Variants in ADGRB3 observed in about 807,000 individuals in gnomAD.
ADGRB3 encodes the protein brain-specific angiogenesis inhibitor 3.
Under a neutral mutation model 193.4 loss-of-function variants are expected in ADGRB3, and 37 were observed. The ratio of observed to expected loss-of-function variants is 0.19; its 90% CI spans 0.15 to 0.25. ADGRB3 has a LOEUF of 0.25. Ranked by LOEUF, ADGRB3 falls within the 10% of genes least tolerant of loss-of-function variation. The probability of loss-of-function intolerance (pLI) is 1.00; values close to 1 mark genes in which losing one functional copy is unlikely to be tolerated. For synonymous variants in ADGRB3, 690 were observed against 644.2 expected, an observed-to-expected ratio of 1.07 and a Z score of -1.08; for missense variants, 1,637 against 1,852.9, an observed-to-expected ratio of 0.88 and a Z score of 2.14.
At chr6:69,355,487 C>T (rs960066061) in intron 27 of ADGRB3, among the ~76,000 whole-genome samples, 1 of 152,100 alleles carries the variant, frequency 6.6e-6, no homozygotes, top group Non-Finnish European at 1.5e-5. Flanking sequence ...CATAATAATT[C>T]ACATTCTGAT....
At chr6:69,264,309 G>A (rs1191373303) in intron 20 of ADGRB3, among the ~76,000 whole-genome samples, 5 of 151,876 alleles carry the variant, frequency 3.3e-5, no homozygotes, top group African/African-American at 1.2e-4. Context: ...TTCAAGCCCA[G>A]CAGGTCTTTG....
intron 3 of ADGRB3, among the ~76,000 whole-genome samples, chr6:68,657,033 G>A (rs781267535): frequency 1.3e-5 from 2 of 151,384 alleles, no homozygotes; most frequent in Non-Finnish European, 3.0e-5. Flanking sequence ...TAATGACTTC[G>A]ATTTTATTCA....
At chr6:68,922,853 T>C (rs947787994) in intron 3 of ADGRB3, among the ~76,000 whole-genome samples, 2 of 152,196 alleles carry the variant, frequency 1.3e-5, no homozygotes, top group African/African-American at 4.8e-5. Context: ...ATGCTAATTA[T>C]TTGTAGATCT....
chr6:69,277,904 G>C (rs1424369704), intron 20 of ADGRB3, among the ~76,000 whole-genome samples: 1 of 152,110 alleles, frequency 6.6e-6, no homozygotes, highest in Non-Finnish European at 1.5e-5. Flanking sequence ...GAAATGCTTT[G>C]AAAAGTATCT....
chr6:69,256,063 T>G (rs902392735), intron 20 of ADGRB3, among the ~76,000 whole-genome samples: 2 of 151,824 alleles, frequency 1.3e-5, no homozygotes, highest in African/African-American at 4.8e-5. Flanking sequence ...TTGATCTATA[T>G]CTCTGTTTTG....
chr6:69,332,402 C>T (rs1768750383), intron 23 of ADGRB3: 1 of 985,230 alleles, frequency 1.0e-6, no homozygotes, highest in South Asian at 4.7e-5. Context: ...AAGCATGGTA[C>T]ATCAAAATGC....
At chr6:68,859,519 C>A (rs1263916592) in intron 3 of ADGRB3, among the ~76,000 whole-genome samples, 1 of 152,100 alleles carries the variant, frequency 6.6e-6, no homozygotes, top group East Asian at 1.9e-4. Flanking sequence ...AATGGACTTA[C>A]ACTTTGACAT....
chr6:68,694,926 G>A (rs1478465876), intron 3 of ADGRB3, among the ~76,000 whole-genome samples: 1 of 151,958 alleles, frequency 6.6e-6, no homozygotes, highest in Non-Finnish European at 1.5e-5. Context: ...AGAAATCAAA[G>A]TCAGCAATAC....
At chr6:68,767,723 T>C (rs1303663869) in intron 3 of ADGRB3, among the ~76,000 whole-genome samples, 2 of 152,260 alleles carry the variant, frequency 1.3e-5, no homozygotes, top group East Asian at 3.9e-4. Context: ...ATAAAGGGTC[T>C]TCAAATAGGA....
chr6:69,028,370 A>T (rs1259954027), intron 13 of ADGRB3, among the ~76,000 whole-genome samples: 2 of 152,186 alleles, frequency 1.3e-5, no homozygotes, highest in Non-Finnish European at 2.9e-5. Flanking sequence ...ATAAAAACGT[A>T]AAAATAAGAA....
At chr6:69,193,719 T>G (rs1343154295) in intron 17 of ADGRB3, among the ~76,000 whole-genome samples, 2 of 152,098 alleles carry the variant, frequency 1.3e-5, no homozygotes, top group Non-Finnish European at 2.9e-5. Context: ...TCTCAATTTT[T>G]TTTTTTACCT....
At position 68,930,617 on chromosome 6, in the gene ADGRB3, A is replaced by G. The variant is rs144283437; in HGVS notation, c.816A>G (p.Glu272=). 4.9e-4 allele frequency: 790 copies of G among 1,612,854 alleles called. 7 individuals are homozygous for G. The East Asian group carries it at 0.017, about 34-fold the overall frequency. Residue 272 remains glutamate (E), a synonymous_variant, in exon 4 of 32, where the codon GAA becomes GAG. Coordinates refer to ENST00000370598, the MANE Select transcript of ADGRB3 (RefSeq NM_001704.3). ...IKSQRPRSVH[E]KRVPQEQADA... is the part of the protein sequence containing the mutation. The stretch of plus-strand genomic sequence containing the variant: ...GTCAGCGACCTCGATCTGTTCATGA[A>G]AAAAGGGTCCCTCAGGAACAAGCTG...
chr6:68,671,063 C>A (rs1191486047), intron 3 of ADGRB3, among the ~76,000 whole-genome samples: 1 of 151,786 alleles, frequency 6.6e-6, no homozygotes, highest in Non-Finnish European at 1.5e-5. Flanking sequence ...TCAGATTGTT[C>A]ACTGTCGGTA....
chr6:69,320,075 TG>T (rs1768410837), intron 20 of ADGRB3, among the ~76,000 whole-genome samples: 1 of 151,402 alleles, frequency 6.6e-6, no homozygotes, highest in African/African-American at 2.4e-5. Context: ...TATTATTTTT[TG>T]TGGTTACTGA....
At chr6:69,363,928 A>G (rs756128166) in intron 29 of ADGRB3, among the ~76,000 whole-genome samples, 1 of 152,078 alleles carries the variant, frequency 6.6e-6, no homozygotes, top group South Asian at 2.1e-4. Context: ...GAGTATCTAC[A>G]TAGAGAGTGG....
At chr6:68,935,772 A>G (rs1034730691) in intron 4 of ADGRB3, among the ~76,000 whole-genome samples, 7 of 152,200 alleles carry the variant, frequency 4.6e-5, no homozygotes, top group Non-Finnish European at 7.3e-5. Flanking sequence ...TGCTAACTCC[A>G]AGAAAATTAA....
At chr6:68,985,789 A>G (rs1165248300) in intron 10 of ADGRB3, among the ~76,000 whole-genome samples, 1 of 152,170 alleles carries the variant, frequency 6.6e-6, no homozygotes, top group African/African-American at 2.4e-5. Flanking sequence ...TGACTGGTGT[A>G]CAATCCCTAG....
intron 23 of ADGRB3, 118 bp downstream of exon 23, chr6:69,330,690 T>G: frequency 1.5e-6 from 1 of 659,366 alleles, no homozygotes; most frequent in Non-Finnish European, 2.4e-6. Flanking sequence ...TAAAGTTCAA[T>G]GGACTATTAT....
chr6:69,123,997 C>A (rs1773787669), intron 17 of ADGRB3, among the ~76,000 whole-genome samples: 2 of 152,078 alleles, frequency 1.3e-5, no homozygotes, highest in South Asian at 4.1e-4. Context: ...TTAATTAATA[C>A]CTTACCTGAA....
Sources: gnomAD v4.1 joint callset for allele counts (sites outside exome capture counted in the v4.1 genomes callset) on GRCh38, gnomAD v4.1.1 for gene constraint, MANE v1.5 for transcripts, NCBI Gene and HGNC (gene_info 2026-07-23, HGNC 2026-07-21) for gene names.